Variants in TASP1 observed in about 807,000 individuals in gnomAD.
TASP1 encodes threonine aspartase 1.
Under a neutral mutation model 56.6 loss-of-function variants are expected in TASP1, and 16 were observed. The observed-to-expected ratio is 0.28, with a 90% CI of 0.19 to 0.43. TASP1 has a LOEUF of 0.43. Ranked by LOEUF, TASP1 falls within the 20% of genes least tolerant of loss-of-function variation. TASP1 has a pLI of 1.00. For synonymous variants in TASP1, 179 were observed against 184.2 expected (o/e 0.97, Z 0.23); for missense variants, 393 against 511.6 (o/e 0.77, Z 2.24).
the TASP1 span, chr20:13,153,960 T>C: frequency 1.2e-6 from 2 of 1,605,852 alleles, no homozygotes; most frequent in Non-Finnish European, 1.7e-6. Flanking sequence ...TACTTCCCTC[T>C]TTCTAGTGGG....
chr20:13,393,161 C>A, intron 13 of TASP1: 1 of 673,636 alleles, frequency 1.5e-6, no homozygotes, highest in South Asian at 1.4e-5. Flanking sequence ...TGGCCAAAGC[C>A]ATCTATGACA....
chr20:13,151,188 C>CT, the TASP1 span, among the ~76,000 whole-genome samples: 3 of 152,174 alleles, frequency 2.0e-5, no homozygotes, highest in Non-Finnish European at 4.4e-5. Context: ...TGCTAATAAG[C>CT]TTTTTTTCTG....
intron 10 of TASP1, among the ~76,000 whole-genome samples, chr20:13,503,833 GAACATT>G (rs2044035165): frequency 6.6e-6 from 1 of 151,490 alleles, no homozygotes; most frequent in African/African-American, 2.4e-5. Flanking sequence ...ATTTAATAGA[GAACATT>G]AACAGCAGAC....
At chr20:13,255,608 GGTAGA>G in the TASP1 span, among the ~76,000 whole-genome samples, 1 of 152,176 alleles carries the variant, frequency 6.6e-6, no homozygotes, top group South Asian at 2.1e-4. Context: ...AGACTTTGCA[GGTAGA>G]GTAGACAGAA....
chr20:13,221,141 C>T, the TASP1 span, among the ~76,000 whole-genome samples: 1 of 151,532 alleles, frequency 6.6e-6, no homozygotes, highest in African/African-American at 2.4e-5. Flanking sequence ...AGGTGGCTTG[C>T]CGGGTGAGTG....
rs190697854 is a variant in TASP1, at chr20:13,539,855, A to T, written c.676-5714T>A. On this transcript the variant is annotated intron_variant, in intron 8 of 13. Coordinates refer to ENST00000337743, the MANE Select transcript of TASP1 (RefSeq NM_017714.3). ...GCAACAGTTTTCATCTTGGTTTTTA[A>T]GATAATCTTTTAAATAATGAATTGG... Among the ~76,000 whole-genome samples, 38 of 152,318 alleles carry T rather than the reference A, an allele frequency of 2.5e-4. 1 individual carries two copies. The highest frequency in any genetic ancestry group is 1.3e-3 in the Admixed American group (20 of 15,292).
At chr20:13,176,445 T>A in the TASP1 span, among the ~76,000 whole-genome samples, 1 of 152,182 alleles carries the variant, frequency 6.6e-6, no homozygotes, top group South Asian at 2.1e-4. Flanking sequence ...ATCAAAAGCT[T>A]TTTCTGCATC....
At chr20:13,313,242 T>C in the TASP1 span, among the ~76,000 whole-genome samples, 4 of 152,188 alleles carry the variant, frequency 2.6e-5, no homozygotes, top group East Asian at 7.7e-4. Context: ...ATCCTAACAA[T>C]TTCCCCCCAC....
chr20:13,620,521 G>A (rs1366707394), intron 4 of TASP1, among the ~76,000 whole-genome samples: 2 of 152,114 alleles, frequency 1.3e-5, no homozygotes, highest in Admixed American at 1.3e-4. Flanking sequence ...ATCTGCCTAA[G>A]TAATAATATA....
the TASP1 span, among the ~76,000 whole-genome samples, chr20:13,301,699 T>G: frequency 6.6e-6 from 1 of 152,128 alleles, no homozygotes; most frequent in East Asian, 1.9e-4. Context: ...TGAGGAAATT[T>G]TTTTTGCAAA....
chr20:13,501,349 A>G (rs979059182), intron 10 of TASP1, among the ~76,000 whole-genome samples: 2 of 152,016 alleles, frequency 1.3e-5, no homozygotes, highest in African/African-American at 4.8e-5. Context: ...GTGTGAGTAC[A>G]TGTGTAAATT....
the TASP1 span, among the ~76,000 whole-genome samples, chr20:13,135,085 T>C: frequency 6.6e-6 from 1 of 152,236 alleles, no homozygotes; most frequent in Non-Finnish European, 1.5e-5. Context: ...CATTTTATTG[T>C]TTGATTTGAT....
the TASP1 span, among the ~76,000 whole-genome samples, chr20:13,283,085 G>T: frequency 3.1e-4 from 47 of 151,994 alleles, no homozygotes; most frequent in Admixed American, 2.6e-3. Flanking sequence ...CTGTTGCCCA[G>T]GCTGGAGTGC....
intron 4 of TASP1, among the ~76,000 whole-genome samples, chr20:13,614,159 T>G (rs1050616096): frequency 2.0e-5 from 3 of 152,172 alleles, no homozygotes; most frequent in Non-Finnish European, 4.4e-5. Flanking sequence ...ACTTTCAACA[T>G]GTGTTAAAGT....
chr20:13,544,729 T>C (rs1466955980), intron 8 of TASP1, among the ~76,000 whole-genome samples: 1 of 152,240 alleles, frequency 6.6e-6, no homozygotes, highest in African/African-American at 2.4e-5. Flanking sequence ...CACCTAGCTA[T>C]GGTCTGGACC....
the TASP1 span, among the ~76,000 whole-genome samples, chr20:13,161,162 T>C: frequency 0.053 from 8,094 of 152,298 alleles, 245 homozygotes; most frequent in African/African-American, 0.08. Flanking sequence ...TGATTGGATG[T>C]GGTGCATATG....
At chr20:13,483,647 A>C (rs1340023624) in intron 10 of TASP1, among the ~76,000 whole-genome samples, 1 of 152,216 alleles carries the variant, frequency 6.6e-6, no homozygotes, top group Admixed American at 6.5e-5. Flanking sequence ...AAAAAATATT[A>C]TGTGTAATTG....
chr20:13,341,694 A>C, the TASP1 span, among the ~76,000 whole-genome samples: 1 of 152,294 alleles, frequency 6.6e-6, no homozygotes, highest in South Asian at 2.1e-4. Flanking sequence ...CCCAAACCTT[A>C]GCAACTTGAA....
the TASP1 span, among the ~76,000 whole-genome samples, chr20:13,171,026 G>T: frequency 1.2e-3 from 178 of 152,316 alleles, no homozygotes; most frequent in Middle Eastern, 0.014. Context: ...GTGGGGTCAT[G>T]GAAAATGCTC....
Sources: gnomAD v4.1 joint callset for allele counts (sites outside exome capture counted in the v4.1 genomes callset) on GRCh38, gnomAD v4.1.1 for gene constraint, MANE v1.5 for transcripts, NCBI Gene and HGNC (gene_info 2026-07-23, HGNC 2026-07-21) for gene names.